The following XPNPEP3 variants were observed in gnomAD, a reference collection of about 807,000 sequenced individuals.
The protein encoded by XPNPEP3 is X-prolyl aminopeptidase 3, also known as xaa-Pro aminopeptidase 3.
XPNPEP3 carries 41 observed loss-of-function variants against 60.0 expected under a neutral mutation model. The ratio of observed to expected loss-of-function variants is 0.68; its 90% CI spans 0.53 to 0.89. XPNPEP3 has a LOEUF of 0.89. Among genes scored for constraint, XPNPEP3 ranks in the 40% least tolerant of loss-of-function variants. The pLI, the probability that XPNPEP3 is intolerant of heterozygous loss-of-function variation, is 0.00. For missense variants in XPNPEP3, 598 were observed against 638.9 expected (o/e 0.94, Z 0.69); for synonymous variants, 212 against 223.2 (o/e 0.95, Z 0.45).
intron 8 of XPNPEP3, among the ~76,000 whole-genome samples, chr22:40,924,055 T>C (rs2058226027): frequency 6.6e-6 from 1 of 152,180 alleles, no homozygotes; most frequent in Non-Finnish European, 1.5e-5. Flanking sequence ...TTATCTTTCC[T>C]GTGGTACTGA....
intron 1 of XPNPEP3, chr22:40,859,469 G>C (rs1253682404): frequency 6.6e-6 from 1 of 151,948 alleles, no homozygotes; most frequent in Non-Finnish European, 1.5e-5. Context: ...TTGGAAAATT[G>C]CAATTTTTTT....
chr22:40,915,622 C>T (rs974319453), intron 7 of XPNPEP3, among the ~76,000 whole-genome samples: 3 of 151,776 alleles, frequency 2.0e-5, no homozygotes, highest in Non-Finnish European at 4.4e-5. Flanking sequence ...GGACATTGCC[C>T]AATGCACATA....
At chr22:40,884,335 T>C (rs894731443) in intron 3 of XPNPEP3, among the ~76,000 whole-genome samples, 2 of 140,376 alleles carry the variant, frequency 1.4e-5, no homozygotes, top group African/African-American at 2.6e-5. Context: ...TCACCATTCC[T>C]TTTTTTTTTT....
At chr22:40,859,089 G>A (rs2057925192) in intron 1 of XPNPEP3, among the ~76,000 whole-genome samples, 2 of 152,078 alleles carry the variant, frequency 1.3e-5, no homozygotes, top group Admixed American at 1.3e-4. Flanking sequence ...GATGTGTTCC[G>A]CAGTAATTTG....
chr22:40,903,490 T>C (rs966346030), intron 4 of XPNPEP3, among the ~76,000 whole-genome samples: 1 of 151,810 alleles, frequency 6.6e-6, no homozygotes, highest in Non-Finnish European at 1.5e-5. Flanking sequence ...CTTCAAGTCA[T>C]TGATTTTTTT....
rs1021882714 is a variant in XPNPEP3 at position 40,868,046 on chromosome 22, G to C, written c.65-953G>C. ...TATTTTGTCTCACCTCCACTAGACT[G>C]TGCATTCTTTAAAGACCACAGCATA... On this transcript the variant is annotated intron_variant, in intron 1 of 9. Coordinates refer to ENST00000357137, the MANE Select transcript of XPNPEP3 (RefSeq NM_022098.4). Among the ~76,000 whole-genome samples, 4 of 151,772 alleles carry C rather than the reference G, an allele frequency of 2.6e-5. No homozygotes were observed. The East Asian group carries it at 7.7e-4, about 29-fold the overall frequency.
chr22:40,912,123 T>C (rs185438806), intron 6 of XPNPEP3, among the ~76,000 whole-genome samples: 7 of 152,314 alleles, frequency 4.6e-5, no homozygotes, highest in African/African-American at 1.4e-4. Context: ...ATGTAATGGG[T>C]TTATTTTTAA....
At chr22:40,905,236 C>T (rs2058150097) in intron 4 of XPNPEP3, among the ~76,000 whole-genome samples, 3 of 152,064 alleles carry the variant, frequency 2.0e-5, no homozygotes, top group South Asian at 2.1e-4. Context: ...CGTACCACCA[C>T]GCCCAGCTAA....
intron 1 of XPNPEP3, chr22:40,862,605 C>G (rs2057956898): frequency 3.0e-6 from 3 of 985,480 alleles, no homozygotes; most frequent in South Asian, 9.4e-5. Flanking sequence ...ATATGAGAGA[C>G]AGCTCAGGCT....
At chr22:40,888,784 G>A (rs1278759058) in intron 4 of XPNPEP3, among the ~76,000 whole-genome samples, 2 of 151,924 alleles carry the variant, frequency 1.3e-5, no homozygotes, top group Non-Finnish European at 2.9e-5. Flanking sequence ...AATATTTTGA[G>A]GACCACCATA....
At chr22:40,870,979 G>A (rs985379059) in intron 2 of XPNPEP3, among the ~76,000 whole-genome samples, 1 of 151,870 alleles carries the variant, frequency 6.6e-6, no homozygotes, top group Non-Finnish European at 1.5e-5. Context: ...CAGTGAGCCA[G>A]AATTGTGCCA....
At chr22:40,875,790 G>T (rs1037213456) in intron 2 of XPNPEP3, among the ~76,000 whole-genome samples, 1 of 151,390 alleles carries the variant, frequency 6.6e-6, no homozygotes, top group African/African-American at 2.4e-5. Context: ...AAGGTGGGCC[G>T]ATTGCTTGAG....
intron 1 of XPNPEP3, chr22:40,862,178 A>G: frequency 7.1e-7 from 1 of 1,404,840 alleles, no homozygotes; most frequent in South Asian, 1.7e-5. Flanking sequence ...GCAGAGTTAC[A>G]AATATGTCAG....
chr22:40,860,765 A>C, intron 1 of XPNPEP3: 2 of 726,614 alleles, frequency 2.8e-6, no homozygotes, highest in South Asian at 2.0e-5. Context: ...CAGTCTTTCT[A>C]CCAGCTTCCC....
chr22:40,889,384 T>C (rs979151775), intron 4 of XPNPEP3, among the ~76,000 whole-genome samples: 2 of 152,222 alleles, frequency 1.3e-5, no homozygotes, highest in Non-Finnish European at 2.9e-5. Context: ...GAAGGAACTT[T>C]AGCAAAATAG....
At chr22:40,906,946 C>A (rs1308925726) in intron 4 of XPNPEP3, among the ~76,000 whole-genome samples, 3 of 152,098 alleles carry the variant, frequency 2.0e-5, no homozygotes, top group Non-Finnish European at 4.4e-5. Context: ...TCAAGAGGGG[C>A]CAAACTCACT....
intron 5 of XPNPEP3, among the ~76,000 whole-genome samples, chr22:40,908,486 C>A (rs2058164849): frequency 2.0e-5 from 3 of 152,158 alleles, no homozygotes; most frequent in African/African-American, 7.2e-5. Flanking sequence ...CCACTGCACT[C>A]CAGCCTGGGT....
chr22:40,869,175 A>C, intron 2 of XPNPEP3, 60 bp downstream of exon 2: 1 of 1,416,768 alleles, frequency 7.1e-7, no homozygotes, highest in Non-Finnish European at 1.0e-6. Flanking sequence ...AATGCTATGC[A>C]ATAGAACTTC....
chr22:40,864,476 G>A (rs1215834377), intron 1 of XPNPEP3, among the ~76,000 whole-genome samples: 3 of 151,954 alleles, frequency 2.0e-5, no homozygotes, highest in Non-Finnish European at 2.9e-5. Context: ...GTGGAGTTTC[G>A]CTCTTATTGC....
Sources: gnomAD v4.1 joint callset for allele counts (sites outside exome capture counted in the v4.1 genomes callset) on GRCh38, gnomAD v4.1.1 for gene constraint, MANE v1.5 for transcripts, NCBI Gene and HGNC (gene_info 2026-07-23, HGNC 2026-07-21) for gene names.